CNTNAP5: variants seen among roughly 807,000 people sequenced by gnomAD.
The protein encoded by CNTNAP5 is contactin associated protein family member 5.
A neutral mutation model predicts 150.2 loss-of-function variants in CNTNAP5; 72 were observed. That is an observed-to-expected ratio of 0.48 (90% CI 0.40 to 0.58). The LOEUF (loss-of-function observed/expected upper bound fraction) is 0.58. Among genes scored for constraint, CNTNAP5 ranks in the 20% least tolerant of loss-of-function variants. CNTNAP5 has a pLI of 0.00. For synonymous variants in CNTNAP5, 672 were observed against 619.8 expected, an observed-to-expected ratio of 1.08 and a Z score of -1.25; for missense variants, 1,636 against 1,626.2, an observed-to-expected ratio of 1.01 and a Z score of -0.10.
At chr2:124,544,218 T>A (rs1857692) in intron 10 of CNTNAP5, among the ~76,000 whole-genome samples, 150,232 of 152,280 alleles carry the variant, frequency 0.99, 74,145 homozygotes, top group East Asian at 1. Flanking sequence ...GCAAGGCTAG[T>A]TAGTGCTTGG....
chr2:124,275,288 CTT>C (rs1215038508), intron 3 of CNTNAP5, among the ~76,000 whole-genome samples: 1 of 152,098 alleles, frequency 6.6e-6, no homozygotes, highest in Non-Finnish European at 1.5e-5. Flanking sequence ...AGAAAAAGAA[CTT>C]TTCCAGTTGT....
chr2:124,860,600 T>C (rs1013227850), intron 19 of CNTNAP5, among the ~76,000 whole-genome samples: 2 of 151,684 alleles, frequency 1.3e-5, no homozygotes, highest in African/African-American at 4.9e-5. Context: ...TTTCCCTTCT[T>C]TCCAAATTTA....
chr2:124,637,645 C>T (rs1280644262), intron 12 of CNTNAP5, among the ~76,000 whole-genome samples: 1 of 152,148 alleles, frequency 6.6e-6, no homozygotes, highest in East Asian at 1.9e-4. Context: ...GGGATCCTGA[C>T]TCTTTTAAGT....
chr2:124,307,507 C>T (rs1317965892), intron 3 of CNTNAP5, among the ~76,000 whole-genome samples: 1 of 152,214 alleles, frequency 6.6e-6, no homozygotes, highest in Non-Finnish European at 1.5e-5. Flanking sequence ...ATTGCTTCCA[C>T]CTTCAATTTT....
chr2:124,187,937 T>C (rs562328533), intron 1 of CNTNAP5, among the ~76,000 whole-genome samples: 266 of 152,248 alleles, frequency 1.7e-3, no homozygotes, highest in African/African-American at 6.1e-3. Context: ...TAGATCATCT[T>C]CTGATATTAT....
At chr2:124,821,088 C>T (rs937510463) in intron 19 of CNTNAP5, among the ~76,000 whole-genome samples, 4 of 152,212 alleles carry the variant, frequency 2.6e-5, no homozygotes, top group African/African-American at 9.6e-5. Flanking sequence ...TGGCCGGTCT[C>T]ATGGCCATAA....
intron 13 of CNTNAP5, among the ~76,000 whole-genome samples, chr2:124,667,290 G>A (rs1270950346): frequency 6.6e-6 from 1 of 152,200 alleles, no homozygotes; most frequent in African/African-American, 2.4e-5. Flanking sequence ...TGCAATCTCA[G>A]AGGATTGTTT....
intron 1 of CNTNAP5, among the ~76,000 whole-genome samples, chr2:124,191,946 C>T (rs1300820658): frequency 6.6e-6 from 1 of 151,930 alleles, no homozygotes; most frequent in African/African-American, 2.4e-5. Context: ...ATACAAAACT[C>T]TCCCTAGCAG....
At chr2:124,506,125 T>C (rs1248518233) in intron 8 of CNTNAP5, among the ~76,000 whole-genome samples, 1 of 150,492 alleles carries the variant, frequency 6.6e-6, no homozygotes, top group Non-Finnish European at 1.5e-5. Flanking sequence ...CCTGGGAATA[T>C]AGATTCAGGT....
In CNTNAP5 at chr2:124,811,856, C is replaced by T. The variant is rs1036783703; in HGVS notation, c.3217+13536C>T. On this transcript the variant is annotated intron_variant, in intron 19 of 23. Transcript: ENST00000682447. ...ACTCAGGAGGCTGAGGCAGGAGAAT[C>T]GCTTGAACCCGGGAGGCAGAGGTTG... is the stretch of plus-strand genomic sequence containing the variant. 2.7e-5 allele frequency among the ~76,000 whole-genome samples: 4 copies of T among 146,702 alleles called. No individual in the cohort carries two copies. In the East Asian group the frequency reaches 6.0e-4, roughly 22 times the overall value.
chr2:124,452,374 G>T (rs1693005125), intron 6 of CNTNAP5, among the ~76,000 whole-genome samples: 1 of 152,048 alleles, frequency 6.6e-6, no homozygotes, highest in East Asian at 1.9e-4. Context: ...ATCCTCCACA[G>T]CAGTTGCCAC....
At chr2:124,472,927 A>G in intron 6 of CNTNAP5, among the ~76,000 whole-genome samples, 1 of 151,998 alleles carries the variant, frequency 6.6e-6, no homozygotes, top group Admixed American at 6.6e-5. Flanking sequence ...TCTGTGAAGT[A>G]CAACAAAGCG....
chr2:124,365,242 G>A (rs1226810166), intron 3 of CNTNAP5, among the ~76,000 whole-genome samples: 1 of 151,262 alleles, frequency 6.6e-6, no homozygotes, highest in Admixed American at 6.6e-5. Context: ...CTTGAGCCTA[G>A]CAGGTTAAGG....
At chr2:124,478,485 C>A (rs896613947) in intron 7 of CNTNAP5, among the ~76,000 whole-genome samples, 16 of 152,074 alleles carry the variant, frequency 1.1e-4, no homozygotes, top group Non-Finnish European at 1.9e-4. Context: ...CAACACCCTG[C>A]TTAAGTGAGA....
At chr2:124,753,167 A>G (rs1680767843) in intron 14 of CNTNAP5, among the ~76,000 whole-genome samples, 1 of 152,178 alleles carries the variant, frequency 6.6e-6, no homozygotes, top group Non-Finnish European at 1.5e-5. Flanking sequence ...AAATGATGTA[A>G]GGTGTAAATT....
chr2:124,161,974 C>G (rs973504474), intron 1 of CNTNAP5, among the ~76,000 whole-genome samples: 7 of 152,086 alleles, frequency 4.6e-5, no homozygotes, highest in African/African-American at 1.7e-4. Flanking sequence ...AAAGCAAACA[C>G]AGGAAAATAA....
At chr2:124,489,260 C>T (rs1239607620) in intron 7 of CNTNAP5, among the ~76,000 whole-genome samples, 1 of 152,124 alleles carries the variant, frequency 6.6e-6, no homozygotes, top group Non-Finnish European at 1.5e-5. Flanking sequence ...AATTATTTTC[C>T]CACAGTTCTG....
intron 1 of CNTNAP5, among the ~76,000 whole-genome samples, chr2:124,131,210 CT>C (rs1399459184): frequency 6.6e-6 from 1 of 152,118 alleles, no homozygotes; most frequent in Non-Finnish European, 1.5e-5. Flanking sequence ...CCCCACTTTT[CT>C]GATTTATAAA....
intron 23 of CNTNAP5, 31 bp from the exon 24 acceptor site, chr2:124,914,061 C>G (rs1468702276): frequency 2.0e-6 from 3 of 1,537,540 alleles, no homozygotes; most frequent in Non-Finnish European, 2.7e-6. Context: ...ATGACGATTT[C>G]CTTCTCTCTT....
Sources: allele counts gnomAD v4.1 joint callset (sites outside exome capture counted in the v4.1 genomes callset), GRCh38; gene constraint gnomAD v4.1.1; transcripts MANE v1.5; gene names NCBI Gene and HGNC (gene_info 2026-07-23, HGNC 2026-07-21).